Variants in IPO5 observed in about 807,000 individuals in gnomAD.
IPO5 encodes the protein importin 5, also known as importin-5.
In IPO5, 18 loss-of-function variants were observed where a neutral mutation model predicts 143.3. That is an observed-to-expected ratio of 0.13 (90% CI 0.09 to 0.19). IPO5 has a LOEUF of 0.19. IPO5 is among the 10% of genes least tolerant of loss of function. IPO5 has a pLI of 1.00. For synonymous variants in IPO5, 477 were observed against 465.7 expected (o/e 1.02, Z -0.31); for missense variants, 1,013 against 1,336.9 (o/e 0.76, Z 3.78).
At chr13:97,981,499 A>G (rs1246943770) in intron 4 of IPO5, 1 of 256,310 alleles carries the variant, frequency 3.9e-6, no homozygotes, top group Non-Finnish European at 7.6e-6. Context: ...TGTGGATTCA[A>G]AATAGCCTTG....
chr13:97,969,153 GTA>G (rs1210544640), intron 2 of IPO5, among the ~76,000 whole-genome samples: 692 of 63,430 alleles, frequency 0.011, 15 homozygotes, highest in Middle Eastern at 0.051. Flanking sequence ...TTTCTGCTAA[GTA>G]TATATATATA....
intron 2 of IPO5, among the ~76,000 whole-genome samples, chr13:97,961,097 G>C (rs1005223066): frequency 6.6e-6 from 1 of 152,148 alleles, no homozygotes; most frequent in Non-Finnish European, 1.5e-5. Context: ...CTTTTTGTCT[G>C]ATTTCCTTCA....
At position 98,010,189 on chromosome 13, in the gene IPO5, G is replaced by C; in HGVS notation, c.2020G>C (p.Gly674Arg). 1 of 1,613,992 alleles carries C rather than the reference G, an allele frequency of 6.2e-7. No homozygotes were observed. The highest frequency in any genetic ancestry group is 8.5e-7 in the Non-Finnish European group (1 of 1,179,950). ...GCAAAGCTTTGGTATTAAAACTGCA[G>C]GACTAGAAGAAAAATCAACTGCTTG... ...DQQSFGIKTA[G>R]LEEKSTACQM... is the part of the protein sequence containing the mutation. Residue 674 changes from glycine to arginine, a missense_variant, in exon 20 of 29, where the codon GGA becomes CGA. Coordinates refer to ENST00000651721, the MANE Select transcript of IPO5 (RefSeq NM_002271.6).
rs367744910 is a variant in IPO5 at position 98,016,617 on chromosome 13, G to A, written c.2494-112G>A. On this transcript the variant is annotated intron_variant, in intron 24 of 28. Transcript: ENST00000651721. The stretch of plus-strand genomic sequence containing the variant: ...AGACTCTTGATTTACCCTTAAAACA[G>A]GAATGAGAAATTGATTTTCTGCATT... The A allele has an allele frequency of 3.5e-4, 197 of 567,896 alleles. 3 individuals are homozygous for A. In the South Asian group the frequency reaches 6.7e-3, roughly 19 times the overall value. The allele number at this position is 567,896 out of a possible 1,614,324, so 35.2% of individuals were successfully genotyped here.
rs1197361329 is a variant in IPO5 at position 97,992,374 on chromosome 13, A to G, written c.670-518A>G. Among the ~76,000 whole-genome samples, 7 of 152,230 alleles carry G rather than the reference A, an allele frequency of 4.6e-5. No individual in the cohort carries two copies. In the East Asian group the frequency reaches 1.3e-3, roughly 29 times the overall value. ...ACACTTTAAATGTATTACAGGTTCT[A>G]GTACTTACTATGCGTATGAGAAAAA... is the stretch of plus-strand genomic sequence containing the variant. On this transcript the variant is annotated intron_variant, in intron 9 of 28. Coordinates refer to ENST00000651721, the MANE Select transcript of IPO5 (RefSeq NM_002271.6).
chr13:98,018,010 C>G (rs1170996489), intron 25 of IPO5, among the ~76,000 whole-genome samples: 3 of 152,102 alleles, frequency 2.0e-5, no homozygotes, highest in East Asian at 3.8e-4. Flanking sequence ...TAGCAGCTAT[C>G]ATCAGATGTT....
rs1566454683 is a variant in IPO5 at position 97,969,171 on chromosome 13, A to ATTTTTT, written c.-112-551_-112-550insTTTTTT. Among the ~76,000 whole-genome samples the ATTTTTT allele has an allele frequency of 7.9e-4, 56 of 71,218 alleles. 1 individual carries two copies. Among genetic ancestry groups the ATTTTTT allele is most frequent in the African/African-American group, 4.0e-3 (56 of 13,880 alleles). 46.7% of individuals were successfully genotyped at this position (71,218 alleles called of 152,430 possible). On this transcript the variant is annotated intron_variant, in intron 2 of 28. Coordinates refer to ENST00000651721, the MANE Select transcript of IPO5 (RefSeq NM_002271.6). ...CTGCTAAGTATATATATATATATAT[A>ATTTTTT]TATATTTTTTTTTTTTTTTTTTTTT...
chr13:97,954,852 T>A (rs16954679), intron 2 of IPO5, among the ~76,000 whole-genome samples: 2,610 of 152,298 alleles, frequency 0.017, 68 homozygotes, highest in African/African-American at 0.059. Context: ...CACTAACTAG[T>A]ATGCGAGACA....
intron 3 of IPO5, among the ~76,000 whole-genome samples, chr13:97,970,373 C>G (rs1204306377): frequency 2.0e-5 from 3 of 152,080 alleles, no homozygotes; most frequent in African/African-American, 7.2e-5. Context: ...GTAATCCCAG[C>G]ACTTTGGGAG....
At position 98,014,076 on chromosome 13, in the gene IPO5, T is replaced by C; in HGVS notation, c.2187T>C (p.Leu729=). The C allele has an allele frequency of 6.2e-7, 1 of 1,610,938 alleles. No individual in the cohort carries two copies. The highest frequency in any genetic ancestry group is 8.5e-7 in the Non-Finnish European group (1 of 1,179,240). ...VRVAAAESMP[L]LLECARVRGP... ...TGGCAGCAGCGGAATCCATGCCTCT[T>C]CTCCTGGAGTGTGCAAGAGTCCGTG... Residue 729 remains leucine (L), a synonymous_variant, in exon 22 of 29, where the codon CTT becomes CTC. Coordinates refer to ENST00000651721, the MANE Select transcript of IPO5 (RefSeq NM_002271.6).
chr13:97,993,587 T>A (rs747788464), intron 11 of IPO5, among the ~76,000 whole-genome samples: 5 of 152,224 alleles, frequency 3.3e-5, no homozygotes, highest in Admixed American at 6.5e-5. Context: ...ATGTCTTGCT[T>A]ACCAGTGAAG....
intron 26 of IPO5, 45 bp from the exon 27 acceptor site, chr13:98,019,536 A>C (rs1457066957): frequency 7.7e-7 from 1 of 1,303,766 alleles, no homozygotes; most frequent in African/African-American, 1.5e-5. Flanking sequence ...CATTTGCATG[A>C]AAATGTGAGG....
chr13:98,000,495 G>A (rs777574252), intron 12 of IPO5, 44 bp from the exon 13 acceptor site: 1 of 1,206,236 alleles, frequency 8.3e-7, no homozygotes, highest in South Asian at 1.2e-5. Flanking sequence ...TATTTCTTTT[G>A]TGTTTCAGAT....
chr13:98,002,304 C>A (rs1302280586), intron 13 of IPO5, 163 bp from the exon 14 acceptor site: 2 of 524,738 alleles, frequency 3.8e-6, no homozygotes, highest in Admixed American at 3.8e-5. Flanking sequence ...CGCGAGCCAC[C>A]GCGCCCGGCC....
At chr13:98,002,279 T>G (rs1888866411) in intron 13 of IPO5, 188 bp from the exon 14 acceptor site, 4 of 416,010 alleles carry the variant, frequency 9.6e-6, no homozygotes, top group Non-Finnish European at 1.7e-5. Context: ...ACTCCCAAAG[T>G]GCTGGGATTA....
intron 16 of IPO5, among the ~76,000 whole-genome samples, chr13:98,003,983 A>G (rs913665464): frequency 6.6e-6 from 1 of 152,252 alleles, no homozygotes; most frequent in Admixed American, 6.5e-5. Flanking sequence ...AGCTGAAATA[A>G]GGGATGCAAC....
chr13:98,021,597 C>A, intron 28 of IPO5, 139 bp from the exon 29 acceptor site: 2 of 443,742 alleles, frequency 4.5e-6, no homozygotes, highest in Middle Eastern at 5.7e-4. Flanking sequence ...AGATTTCTTG[C>A]TTTTACAATG....
chr13:97,955,377 C>T (rs1884388246), intron 2 of IPO5, among the ~76,000 whole-genome samples: 1 of 152,122 alleles, frequency 6.6e-6, no homozygotes, highest in Non-Finnish European at 1.5e-5. Context: ...ATCTGCCTTC[C>T]AAAGCACACA....
At chr13:97,998,168 G>T (rs1304232011) in intron 12 of IPO5, among the ~76,000 whole-genome samples, 3 of 152,294 alleles carry the variant, frequency 2.0e-5, no homozygotes, top group East Asian at 3.9e-4. Flanking sequence ...GTAGAGACGG[G>T]ATTTCACCAT....
Sources: allele counts gnomAD v4.1 joint callset (sites outside exome capture counted in the v4.1 genomes callset), GRCh38; gene constraint gnomAD v4.1.1; transcripts MANE v1.5; gene names NCBI Gene and HGNC (gene_info 2026-07-23, HGNC 2026-07-21).